The following HIPK3 variants were observed in gnomAD, a reference collection of about 807,000 sequenced individuals.
The protein encoded by HIPK3 is homeodomain interacting protein kinase 3, also known as homeodomain-interacting protein kinase 3.
Under a neutral mutation model 124.2 loss-of-function variants are expected in HIPK3, and 47 were observed. The observed-to-expected ratio is 0.38, with a 90% CI of 0.30 to 0.48. The LOEUF (loss-of-function observed/expected upper bound fraction) is 0.48, where lower values mean the gene tolerates loss of function less well. Ranked by LOEUF, HIPK3 falls within the 20% of genes least tolerant of loss-of-function variation. The pLI is 0.98. For synonymous variants in HIPK3, 482 were observed against 515.2 expected (o/e 0.94, Z 0.87); for missense variants, 1,286 against 1,454.3 (o/e 0.88, Z 1.88).
chr11:33,288,269 A>G (rs1851609145), intron 2 of HIPK3, among the ~76,000 whole-genome samples: 1 of 152,140 alleles, frequency 6.6e-6, no homozygotes, highest in Non-Finnish European at 1.5e-5. Flanking sequence ...CCTGGCCAAC[A>G]TGGCGAAACC....
chr11:33,258,215 C>G, intron 1 of HIPK3: 1 of 769,974 alleles, frequency 1.3e-6, no homozygotes, highest in Non-Finnish European at 1.6e-6. Context: ...GCCCCCCCTC[C>G]CCCTGCCAAG....
intron 1 of HIPK3, 64 bp downstream of exon 1, chr11:33,257,953 T>C: frequency 3.0e-6 from 3 of 984,242 alleles, no homozygotes; most frequent in Non-Finnish European, 3.6e-6. Context: ...GTCTGCGGGC[T>C]CCGCGGCCAG....
rs528644831 is a variant in HIPK3 at position 33,282,547 on chromosome 11, G to A, written c.-2-3866G>A. Among the ~76,000 whole-genome samples the A allele has an allele frequency of 3.9e-5, 6 of 152,254 alleles. No individual in the cohort carries two copies. In the South Asian group the frequency reaches 1.0e-3, roughly 26 times the overall value. On this transcript the variant is annotated intron_variant, in intron 1 of 16. Coordinates refer to ENST00000303296, the MANE Select transcript of HIPK3 (RefSeq NM_005734.5). The stretch of plus-strand genomic sequence containing the variant: ...AAATACAAAACATTAGCTGGGTGTG[G>A]TGGCAGGTGCCTGTAATCCCAGCCA...
At chr11:33,310,556 A>C (rs1852304945) in intron 2 of HIPK3, among the ~76,000 whole-genome samples, 2 of 152,122 alleles carry the variant, frequency 1.3e-5, no homozygotes, top group African/African-American at 4.8e-5. Context: ...TGATTCGCCC[A>C]GCTTGGCCTC....
chr11:33,287,083 A>T lies in HIPK3; in HGVS notation c.669A>T (p.Val223=), dbSNP rs765622186. 1 of 1,614,248 alleles carries T rather than the reference A, an allele frequency of 6.2e-7. No homozygotes were observed. The highest frequency in any genetic ancestry group is 1.7e-5 in the Admixed American group (1 of 60,020). The change falls in exon 2 of 17, where the codon GTA becomes GTT. Residue 223 remains valine, a synonymous_variant. Transcript: ENST00000303296. ...GGAAAAGAGGGACAAATGAAATTGT[A>T]GCAATCAAAATTTTGAAGAATCATC... ...KCWKRGTNEI[V]AIKILKNHPS...
intron 2 of HIPK3, among the ~76,000 whole-genome samples, chr11:33,295,567 G>T (rs1851821977): frequency 6.6e-6 from 1 of 152,246 alleles, no homozygotes. Flanking sequence ...CGTTCACATA[G>T]TACCCAGGTT....
At chr11:33,317,171 G>T (rs775338928) in intron 2 of HIPK3, among the ~76,000 whole-genome samples, 1 of 151,116 alleles carries the variant, frequency 6.6e-6, no homozygotes, top group Non-Finnish European at 1.5e-5. Flanking sequence ...GGGTTTTGCC[G>T]TATTGGCCAA....
chr11:33,312,028 A>G (rs902444070), intron 2 of HIPK3, among the ~76,000 whole-genome samples: 3 of 149,138 alleles, frequency 2.0e-5, no homozygotes, highest in Admixed American at 1.3e-4. Flanking sequence ...AATTTTTTGT[A>G]TGTGTGTGTT....
intron 1 of HIPK3, among the ~76,000 whole-genome samples, chr11:33,281,153 T>A (rs1333276568): frequency 7.1e-6 from 1 of 140,432 alleles, no homozygotes; most frequent in Non-Finnish European, 1.5e-5. Context: ...CACTGCAACC[T>A]CCACCTCCTG....
chr11:33,342,913 A>G (rs1028170867), intron 8 of HIPK3, among the ~76,000 whole-genome samples: 1 of 152,142 alleles, frequency 6.6e-6, no homozygotes, highest in Non-Finnish European at 1.5e-5. Flanking sequence ...AAACCTCACT[A>G]CTGGAATAAC....
Position 33,288,265 on chromosome 11 carries a change from C to CTG in HIPK3, c.1097+754_1097+755insTG, listed in dbSNP as rs200822070. 5.3e-5 allele frequency among the ~76,000 whole-genome samples: 8 copies of CTG among 152,202 alleles called. No individual in the cohort carries two copies. In the East Asian group the frequency reaches 1.5e-3, roughly 29 times the overall value. On this transcript the variant is annotated intron_variant, in intron 2 of 16. Coordinates refer to ENST00000303296, the MANE Select transcript of HIPK3 (RefSeq NM_005734.5). ...GTTAGGAGTTCAAGACCAGCCTGGC[C>CTG]AACATGGCGAAACCCCCATCTCTAC...
At chr11:33,278,010 T>G (rs1419392579) in intron 1 of HIPK3, among the ~76,000 whole-genome samples, 1 of 152,226 alleles carries the variant, frequency 6.6e-6, no homozygotes, top group African/African-American at 2.4e-5. Flanking sequence ...TGTCAGTGGC[T>G]TATCTTTATT....
At position 33,348,819 on chromosome 11, in the gene HIPK3, G is replaced by C; in HGVS notation, c.2666+1G>C. ...CTTCCCAGAGACATTCACTCAGAGA[G>C]TAAGTGCCAAACGCTGCATCCTCAA... On this transcript the variant is annotated splice_donor_variant, in intron 13 of 16. Coordinates refer to ENST00000303296, the MANE Select transcript of HIPK3 (RefSeq NM_005734.5). LOFTEE classifies it high-confidence loss of function. 1 of 1,611,480 alleles carries C rather than the reference G, an allele frequency of 6.2e-7. No individual in the cohort carries two copies. The highest frequency in any genetic ancestry group is 8.5e-7 in the Non-Finnish European group (1 of 1,177,956).
chr11:33,263,942 G>A (rs572623199), intron 1 of HIPK3, among the ~76,000 whole-genome samples: 24 of 152,184 alleles, frequency 1.6e-4, no homozygotes, highest in African/African-American at 2.7e-4. Context: ...ACATAATATT[G>A]CTGTTAAAAT....
At chr11:33,344,080 C>A (rs183659809) in intron 8 of HIPK3, among the ~76,000 whole-genome samples, 53 of 152,270 alleles carry the variant, frequency 3.5e-4, no homozygotes, top group Non-Finnish European at 7.4e-4. Context: ...ATGTTTTCTA[C>A]CCTAGATTCA....
intron 16 of HIPK3, among the ~76,000 whole-genome samples, 173 bp from the exon 17 acceptor site, chr11:33,352,919 A>G (rs1342242956): frequency 1.3e-5 from 2 of 152,140 alleles, no homozygotes. Context: ...TAATACTAAT[A>G]TATATGGAAT....
rs1239630539 is a variant in HIPK3 at position 33,312,238 on chromosome 11, TA to T, written c.1098-16270del. Among the ~76,000 whole-genome samples the T allele has an allele frequency of 2.6e-5, 4 of 152,244 alleles. 1 individual carries two copies. The highest frequency in any genetic ancestry group is 5.9e-5 in the Non-Finnish European group (4 of 68,046). On this transcript the variant is annotated intron_variant, in intron 2 of 16. Transcript: ENST00000303296. ...CTTCCATTTTCTTTATTAGACAATA[TA>T]ATTCAGTATATTTGAAGGTGCCTTG...
chr11:33,326,689 C>T (rs1194471243), intron 2 of HIPK3, among the ~76,000 whole-genome samples: 49 of 151,058 alleles, frequency 3.2e-4, no homozygotes, highest in African/African-American at 1.0e-3. Context: ...TTTTTTCCCC[C>T]GAGACAGAGC....
chr11:33,266,282 A>G (rs1850962471), intron 1 of HIPK3, among the ~76,000 whole-genome samples: 1 of 148,020 alleles, frequency 6.8e-6, no homozygotes, highest in South Asian at 2.2e-4. Context: ...GATTAACAAT[A>G]GCACATTCAA....
Sources: gnomAD v4.1 joint callset for allele counts (sites outside exome capture counted in the v4.1 genomes callset) on GRCh38, gnomAD v4.1.1 for gene constraint, MANE v1.5 for transcripts, NCBI Gene and HGNC (gene_info 2026-07-23, HGNC 2026-07-21) for gene names.